MCCC2: variants seen among roughly 807,000 people sequenced by gnomAD.
MCCC2 encodes methylcrotonoyl-CoA carboxylase beta chain, mitochondrial.
In MCCC2, 52 loss-of-function variants were observed where a neutral mutation model predicts 77.2. The observed-to-expected ratio is 0.67, with a 90% CI of 0.54 to 0.85. The LOEUF (loss-of-function observed/expected upper bound fraction) is 0.85. MCCC2 is among the 40% of genes least tolerant of loss of function. The pLI is 0.00. For missense variants in MCCC2, 682 were observed against 703.2 expected (o/e 0.97, Z 0.34); for synonymous variants, 253 against 248.4 (o/e 1.02, Z -0.18).
rs1017462601 is a variant in MCCC2, at chr5:71,653,142, T to C, written c.1574+388T>C. ...TTTGCTTAAAAACCCCTCTCCTTGA[T>C]CATTTTGTTTTTACCCCATTTTAAA... is the stretch of plus-strand genomic sequence containing the variant. On this transcript the variant is annotated intron_variant, in intron 16 of 16. Coordinates refer to ENST00000340941, the MANE Select transcript of MCCC2 (RefSeq NM_022132.5). 2.6e-5 allele frequency among the ~76,000 whole-genome samples: 4 copies of C among 152,238 alleles called. No individual in the cohort carries two copies. In the East Asian group the frequency reaches 7.7e-4, roughly 29 times the overall value.
chr5:71,601,426 C>T lies in MCCC2; in HGVS notation c.384-1080C>T, dbSNP rs149852903. On this transcript the variant is annotated intron_variant, in intron 4 of 16. Transcript: ENST00000340941. ...GCAACCTATGAGAAGCCTACATTTC[C>T]TTTGAAGTCTAGTTCGTTTAATGTT... Among the ~76,000 whole-genome samples, 449 of 152,292 alleles carry T rather than the reference C, an allele frequency of 2.9e-3. 12 individuals are homozygous for T. In the East Asian group the frequency reaches 0.04, roughly 13 times the overall value.
At position 71,626,715 on chromosome 5, in the gene MCCC2, C is replaced by T. The variant is rs549784997; in HGVS notation, c.700C>T (p.Arg234Cys). Residue 234 changes from arginine to cysteine, a missense_variant, in exon 7 of 17, where the codon CGC becomes TGC. Transcript: ENST00000340941. Reference sequence around the variant, plus strand: ...CATGGCTGATGAAAACATCATTGTACGCAAGCAGGGTACCATTTTCTTGGC... The same window carrying T: ...CATGGCTGATGAAAACATCATTGTATGCAAGCAGGGTACCATTTTCTTGGC... Reference protein sequence around the residue: ...PAMADENIIVRKQGTIFLAGP... With the variant: ...PAMADENIIVCKQGTIFLAGP... 30 of 1,614,022 alleles carry T rather than the reference C, an allele frequency of 1.9e-5. No individual in the cohort carries two copies. Among genetic ancestry groups the T allele is most frequent in the South Asian group, 7.7e-5 (7 of 91,082 alleles).
intron 4 of MCCC2, among the ~76,000 whole-genome samples, chr5:71,601,442 G>A (rs908853291): frequency 6.6e-6 from 1 of 152,156 alleles, no homozygotes; most frequent in Admixed American, 6.6e-5. Flanking sequence ...AGTCTAGTTC[G>A]TTTAATGTTA....
chr5:71,633,131 A>ATT lies in MCCC2; in HGVS notation c.803+950_803+951dup, dbSNP rs1306338509. Among the ~76,000 whole-genome samples the ATT allele has an allele frequency of 9.6e-4, 75 of 78,058 alleles. 1 individual carries two copies. The highest frequency in any genetic ancestry group is 3.0e-3 in the African/African-American group (59 of 19,738). 51.2% of individuals were successfully genotyped at this position (78,058 alleles called of 152,430 possible). A position where few individuals can be genotyped will look rare whatever the true frequency, so the allele number is the denominator to read the frequency against. On this transcript the variant is annotated intron_variant, in intron 8 of 16. Transcript: ENST00000340941. ...TATATATATATATATATATATATAT[A>ATT]TTTTTATTTTTTGTAGAAACAGGTG...
chr5:71,602,761 G>A, intron 5 of MCCC2, 128 bp downstream of exon 5: 1 of 1,367,338 alleles, frequency 7.3e-7, no homozygotes, highest in Non-Finnish European at 1.0e-6. Flanking sequence ...TAATTATAAA[G>A]GAAACACAGG....
intron 6 of MCCC2, among the ~76,000 whole-genome samples, chr5:71,607,115 C>T (rs1010995433): frequency 1.3e-5 from 2 of 152,024 alleles, no homozygotes; most frequent in African/African-American, 4.8e-5. Context: ...AGGATTCCCT[C>T]TTTTTCTACT....
At chr5:71,598,806 C>T (rs1341930735) in intron 3 of MCCC2, among the ~76,000 whole-genome samples, 2 of 151,958 alleles carry the variant, frequency 1.3e-5, no homozygotes, top group Non-Finnish European at 2.9e-5. Flanking sequence ...GGCTGGAGTG[C>T]AGTGGCACAG....
At chr5:71,636,620 G>C (rs1476987119) in intron 10 of MCCC2, 2 of 152,014 alleles carry the variant, frequency 1.3e-5, no homozygotes, top group African/African-American at 2.4e-5. Flanking sequence ...AGAATCGCTT[G>C]AACCTGGGAG....
chr5:71,640,957 C>T (rs369667541), intron 10 of MCCC2, 46 bp from the exon 11 acceptor site: 21 of 1,533,214 alleles, frequency 1.4e-5, no homozygotes, highest in Non-Finnish European at 1.8e-5. Flanking sequence ...TACAAAAATT[C>T]TTTTGCAATA....
intron 6 of MCCC2, among the ~76,000 whole-genome samples, chr5:71,607,069 A>G (rs1255241379): frequency 6.6e-6 from 1 of 151,532 alleles, no homozygotes; most frequent in African/African-American, 2.4e-5. Context: ...CGGCTTTGGT[A>G]TCAGAATGAT....
At chr5:71,603,175 G>A (rs1451229505) in intron 5 of MCCC2, 1 of 155,470 alleles carries the variant, frequency 6.4e-6, no homozygotes, top group Non-Finnish European at 1.4e-5. Flanking sequence ...CACTTTGGGA[G>A]GCCGAGGCAG....
chr5:71,602,797 A>G, intron 5 of MCCC2, 164 bp downstream of exon 5: 2 of 1,024,170 alleles, frequency 2.0e-6, no homozygotes, highest in Non-Finnish European at 1.4e-6. Flanking sequence ...TCTGGGGGAA[A>G]GTAAACAAGA....
chr5:71,602,403 C>A, intron 4 of MCCC2, 103 bp from the exon 5 acceptor site: 1 of 1,409,888 alleles, frequency 7.1e-7, no homozygotes. Context: ...AATAGTGATA[C>A]GTACTAGAAG....
At chr5:71,614,020 C>G (rs190213316) in intron 6 of MCCC2, among the ~76,000 whole-genome samples, 1 of 61,238 alleles carries the variant, frequency 1.6e-5, no homozygotes, top group African/African-American at 5.1e-5. Flanking sequence ...TTATGTATAA[C>G]GTATATAATA....
At position 71,632,172 on chromosome 5, in the gene MCCC2, G is replaced by C. The variant is rs1434072078; in HGVS notation, c.790G>C (p.Asp264His). 6.2e-7 allele frequency: 1 copy of C among 1,614,182 alleles called. No individual in the cohort carries two copies. The highest frequency in any genetic ancestry group is 1.7e-5 in the Admixed American group (1 of 60,030). Residue 264 changes from aspartate (D) to histidine (H), a missense_variant, in exon 8 of 17, where the codon GAT (aspartate) becomes CAT (histidine). Asp to His is a moderately conservative substitution (Grantham distance 81). Transcript: ENST00000340941. Reference sequence around the variant, plus strand: ...ATCTGCTGAGGATCTTGGAGGTGCTGATCTTCATTGCAGGTGAAACAGAAA... The same window carrying C: ...ATCTGCTGAGGATCTTGGAGGTGCTCATCTTCATTGCAGGTGAAACAGAAA... ...EVSAEDLGGA[D>H]LHCRKSGVSD...
chr5:71,600,918 C>T (rs911261596), intron 4 of MCCC2, among the ~76,000 whole-genome samples: 1 of 152,142 alleles, frequency 6.6e-6, no homozygotes, highest in African/African-American at 2.4e-5. Flanking sequence ...TTAGCAGCTG[C>T]AGTGGAAGGC....
rs533505487 is a variant in MCCC2 at position 71,655,952 on chromosome 5, C to T, written c.1575-791C>T. Among the ~76,000 whole-genome samples the T allele has an allele frequency of 4.6e-5, 7 of 152,270 alleles. No homozygotes were observed. The East Asian group carries it at 5.8e-4, about 13-fold the overall frequency. On this transcript the variant is annotated intron_variant, in intron 16 of 16. Transcript: ENST00000340941. ...GAAGCTGGCCGGGTGTGGTGGCTCA[C>T]GCCTGTAATCGCAGCACTTTGGGAG...
intron 1 of MCCC2, among the ~76,000 whole-genome samples, chr5:71,590,354 C>T (rs1242485366): frequency 1.3e-5 from 2 of 152,152 alleles, no homozygotes; most frequent in Admixed American, 6.5e-5. Flanking sequence ...CTGAGCTTGG[C>T]ACAGATGTTG....
intron 1 of MCCC2, among the ~76,000 whole-genome samples, chr5:71,588,116 A>T (rs1255918210): frequency 3.9e-5 from 6 of 151,970 alleles, no homozygotes; most frequent in African/African-American, 1.5e-4. Flanking sequence ...TAAGAATACA[A>T]AAATTAGCCG....
Sources: allele counts gnomAD v4.1 joint callset (sites outside exome capture counted in the v4.1 genomes callset), GRCh38; gene constraint gnomAD v4.1.1; transcripts MANE v1.5; gene names NCBI Gene and HGNC (gene_info 2026-07-23, HGNC 2026-07-21).